The following EFHD1 variants were observed in gnomAD, a reference collection of about 807,000 sequenced individuals.
The protein encoded by EFHD1 is EF-hand domain family member D1, also known as EF-hand domain-containing protein D1.
EFHD1 carries 10 observed loss-of-function variants against 17.2 expected under a neutral mutation model. The ratio of observed to expected loss-of-function variants is 0.58; its 90% CI spans 0.36 to 0.99. The LOEUF is 0.99. EFHD1 is among the 50% of genes least tolerant of loss of function. The probability of loss-of-function intolerance (pLI) is 0.01; values close to 1 mark genes in which losing one functional copy is unlikely to be tolerated. For missense variants in EFHD1, 310 were observed against 327.5 expected (o/e 0.95, Z 0.41); for synonymous variants, 153 against 142.0 (o/e 1.08, Z -0.55).
At position 232,667,019 on chromosome 2, in the gene EFHD1, C is replaced by G. The variant is rs74608700; in HGVS notation, c.450+4070C>G. 5.9e-5 allele frequency among the ~76,000 whole-genome samples: 9 copies of G among 152,332 alleles called. No homozygotes were observed. In the East Asian group the frequency reaches 1.7e-3, roughly 29 times the overall value. On this transcript the variant is annotated intron_variant, in intron 2 of 3. Coordinates refer to ENST00000264059, the MANE Select transcript of EFHD1 (RefSeq NM_025202.4). ...CCCGCTATTGTGACCATTGTGAAAA[C>G]TAAGTTTTCTTTCTGTGCCTTTTAC...
At position 232,681,722 on chromosome 2, in the gene EFHD1, C is replaced by T; in HGVS notation, c.*3C>T. 1.2e-6 allele frequency: 2 copies of T among 1,613,688 alleles called. No homozygotes were observed. The highest frequency in any genetic ancestry group is 8.5e-7 in the Non-Finnish European group (1 of 1,179,798). ...TCAAGGCCAACTTCAATACATAGTC[C>T]TGCTGACCTTGCCCTCTGCCCACAG... On this transcript the variant is annotated 3_prime_UTR_variant, in exon 4 of 4. Transcript: ENST00000264059.
At position 232,672,315 on chromosome 2, in the gene EFHD1, C is replaced by T; in HGVS notation, c.457C>T (p.Leu153Phe). The stretch of plus-strand genomic sequence containing the variant: ...TACTTTCTTTCCCCTGTAGTTCCTG[C>T]TCATTTTCCACAAGGCCGCGGCAGG... ...DGKLSFREFL[L>F]IFHKAAAGEL... is the part of the protein sequence containing the mutation. Residue 153 changes from leucine (L) to phenylalanine (F), a missense_variant, in exon 3 of 4, where the codon CTC becomes TTC. Leu to Phe is a conservative substitution (Grantham distance 22). Transcript: ENST00000264059. The T allele has an allele frequency of 6.2e-7, 1 of 1,614,182 alleles. No homozygotes were observed. The highest frequency in any genetic ancestry group is 8.5e-7 in the Non-Finnish European group (1 of 1,180,032).
At chr2:232,648,293 G>A (rs1009509953) in intron 1 of EFHD1, among the ~76,000 whole-genome samples, 3 of 152,100 alleles carry the variant, frequency 2.0e-5, no homozygotes, top group African/African-American at 7.2e-5. Context: ...TTGATTGGAT[G>A]ATGAAAACTT....
In EFHD1 at chr2:232,681,856, G is replaced by C. The variant is rs1695289723; in HGVS notation, c.*137G>C. The C allele has an allele frequency of 8.9e-6, 12 of 1,355,314 alleles. No individual in the cohort carries two copies. Among genetic ancestry groups the C allele is most frequent in the Non-Finnish European group, 1.1e-5 (11 of 1,021,628 alleles). 84.0% of individuals were successfully genotyped at this position (1,355,314 alleles called of 1,614,324 possible). A position where few individuals can be genotyped will look rare whatever the true frequency, so the allele number is the denominator to read the frequency against. On this transcript the variant is annotated 3_prime_UTR_variant, in exon 4 of 4. Coordinates refer to ENST00000264059, the MANE Select transcript of EFHD1 (RefSeq NM_025202.4). ...TCCACCACCCCGTGCCAGCTCCCGT[G>C]CCAGCCTTCATTCCTCCCAGTGTCC...
At chr2:232,655,683 C>G (rs1256669974) in intron 1 of EFHD1, among the ~76,000 whole-genome samples, 1 of 152,230 alleles carries the variant, frequency 6.6e-6, no homozygotes, top group African/African-American at 2.4e-5. Flanking sequence ...TCTGTCTCAC[C>G]CATTTCCATG....
Position 232,642,498 on chromosome 2 carries a change from T to C in EFHD1, c.302+8492T>C, listed in dbSNP as rs936411290. Among the ~76,000 whole-genome samples, 4 of 152,008 alleles carry C rather than the reference T, an allele frequency of 2.6e-5. No individual in the cohort carries two copies. In the East Asian group the frequency reaches 7.7e-4, roughly 29 times the overall value. ...CCGGTCTTGGAACTCTCGCCAATAG[T>C]GTGTGGAATTGCACTCTCACACCTG... On this transcript the variant is annotated intron_variant, in intron 1 of 3. Coordinates refer to ENST00000264059, the MANE Select transcript of EFHD1 (RefSeq NM_025202.4).
At chr2:232,653,980 G>A (rs903919085) in intron 1 of EFHD1, among the ~76,000 whole-genome samples, 5 of 152,070 alleles carry the variant, frequency 3.3e-5, no homozygotes, top group Admixed American at 3.3e-4. Context: ...ACCGAGGCAG[G>A]CAGATCACCT....
At chr2:232,614,998 T>G (rs1173591991) in intron 1 of EFHD1, among the ~76,000 whole-genome samples, 1 of 152,010 alleles carries the variant, frequency 6.6e-6, no homozygotes, top group Non-Finnish European at 1.5e-5. Context: ...TGATTTGTAT[T>G]TATTTATTAA....
intron 1 of EFHD1, among the ~76,000 whole-genome samples, chr2:232,613,727 CAT>C (rs1159817238): frequency 2.0e-5 from 3 of 151,278 alleles, no homozygotes; most frequent in African/African-American, 4.9e-5. Flanking sequence ...TATACACACA[CAT>C]ATACGCACAC....
Position 232,682,433 on chromosome 2 carries a change from G to GT in EFHD1, c.*715dup, listed in dbSNP as rs1289590063. 6.6e-6 allele frequency: 1 copy of GT among 152,244 alleles called. No individual in the cohort carries two copies. The highest frequency in any genetic ancestry group is 1.9e-4 in the East Asian group (1 of 5,202). 9.4% of individuals were successfully genotyped at this position (152,244 alleles called of 1,614,324 possible). ...CTCTTAAATACTGTACTACTTCACTGTAAGAACGAAAGAATAGTTAGGATA... is the reference window on the plus strand; with the variant it reads ...CTCTTAAATACTGTACTACTTCACTGTTAAGAACGAAAGAATAGTTAGGATA... On this transcript the variant is annotated 3_prime_UTR_variant, in exon 4 of 4. Coordinates refer to ENST00000264059, the MANE Select transcript of EFHD1 (RefSeq NM_025202.4).
chr2:232,622,421 A>G (rs1474571805), intron 1 of EFHD1, among the ~76,000 whole-genome samples: 4 of 146,604 alleles, frequency 2.7e-5, no homozygotes, highest in African/African-American at 1.0e-4. Flanking sequence ...GTGAGCTGAG[A>G]TCATACCACT....
chr2:232,661,653 G>A (rs141775187), intron 1 of EFHD1: 2,091 of 131,140 alleles, frequency 0.016, 44 homozygotes, highest in African/African-American at 0.056. Context: ...TGCCACCTCC[G>A]CCTCCCAGTA....
chr2:232,608,937 A>G (rs1033240547), intron 1 of EFHD1, among the ~76,000 whole-genome samples: 11 of 152,130 alleles, frequency 7.2e-5, no homozygotes, highest in African/African-American at 2.4e-4. Flanking sequence ...TCAAAAAATA[A>G]AATAAAATAC....
chr2:232,679,286 C>G (rs1473490652), intron 3 of EFHD1, among the ~76,000 whole-genome samples: 1 of 151,980 alleles, frequency 6.6e-6, no homozygotes, highest in Non-Finnish European at 1.5e-5. Flanking sequence ...TATATCGTCC[C>G]AAATGCCTTA....
chr2:232,637,368 G>C (rs1287750723), intron 1 of EFHD1, among the ~76,000 whole-genome samples: 2 of 145,370 alleles, frequency 1.4e-5, no homozygotes, highest in Non-Finnish European at 3.0e-5. Flanking sequence ...TTTTGAGATG[G>C]AGTCTCACTC....
intron 2 of EFHD1, among the ~76,000 whole-genome samples, chr2:232,670,078 T>C (rs1449243697): frequency 6.6e-6 from 1 of 152,178 alleles, no homozygotes; most frequent in Admixed American, 6.5e-5. Context: ...GAAGCTTAGA[T>C]AGCAGTTGTT....
intron 1 of EFHD1, 129 bp from the exon 2 acceptor site, chr2:232,662,673 A>G: frequency 1.6e-6 from 2 of 1,264,924 alleles, no homozygotes; most frequent in Non-Finnish European, 2.1e-6. Flanking sequence ...GGAGCAGGTG[A>G]CCCACATTGG....
At chr2:232,681,542 C>G (rs777551785) in intron 3 of EFHD1, 43 bp from the exon 4 acceptor site, 15 of 1,598,798 alleles carry the variant, frequency 9.4e-6, no homozygotes, top group Non-Finnish European at 1.3e-5. Context: ...GGGTCCTCTG[C>G]CCTCCCTTAC....
chr2:232,609,463 T>C (rs1238882561), intron 1 of EFHD1, among the ~76,000 whole-genome samples: 1 of 152,226 alleles, frequency 6.6e-6, no homozygotes, highest in Non-Finnish European at 1.5e-5. Context: ...CAATTATTTG[T>C]TAGTTCCTTC....
Sources: allele counts gnomAD v4.1 joint callset (sites outside exome capture counted in the v4.1 genomes callset), GRCh38; gene constraint gnomAD v4.1.1; transcripts MANE v1.5; gene names NCBI Gene and HGNC (gene_info 2026-07-23, HGNC 2026-07-21).